HHLA2: variants seen among roughly 807,000 people sequenced by gnomAD.
The protein encoded by HHLA2 is HERV-H LTR-associating protein 2.
A neutral mutation model predicts 45.9 loss-of-function variants in HHLA2; 48 were observed. The observed-to-expected ratio is 1.05, with a 90% CI of 0.83 to 1.33. HHLA2 has a LOEUF of 1.33. Among genes scored for constraint, HHLA2 ranks in the 40% most tolerant of loss-of-function variants. HHLA2 has a pLI of 0.00. For missense variants in HHLA2, 462 were observed against 494.3 expected (o/e 0.93, Z 0.62); for synonymous variants, 161 against 173.9 (o/e 0.93, Z 0.59).
chr3:108,330,729 G>C (rs976938209), intron 3 of HHLA2, among the ~76,000 whole-genome samples: 1 of 152,130 alleles, frequency 6.6e-6, no homozygotes, highest in Non-Finnish European at 1.5e-5. Flanking sequence ...CCTCAGATGA[G>C]ACTGGAACCC....
At chr3:108,362,520 C>A in intron 8 of HHLA2, 74 bp downstream of exon 7, 2 of 953,950 alleles carry the variant, frequency 2.1e-6, no homozygotes, top group Non-Finnish European at 1.6e-6. Context: ...AAATACATGC[C>A]CAAACAGCTA....
chr3:108,306,104 A>C (rs1019474755), intron 1 of HHLA2, among the ~76,000 whole-genome samples: 1 of 152,130 alleles, frequency 6.6e-6, no homozygotes, highest in Non-Finnish European at 1.5e-5. Flanking sequence ...ATCTAACAAA[A>C]CTTTCTTAGA....
intron 1 of HHLA2, among the ~76,000 whole-genome samples, chr3:108,300,516 C>T (rs2080832350): frequency 6.6e-6 from 1 of 152,116 alleles, no homozygotes; most frequent in Admixed American, 6.6e-5. Context: ...GCATGGTTTG[C>T]TGGGGCTTCC....
At chr3:108,352,936 A>AC (rs2081806794) in intron 4 of HHLA2, among the ~76,000 whole-genome samples, 1 of 152,206 alleles carries the variant, frequency 6.6e-6, no homozygotes, top group Non-Finnish European at 1.5e-5. Context: ...AGATTCCTGA[A>AC]CCCAGCATTG....
rs143261550 is a variant in HHLA2 at position 108,318,599 on chromosome 3, T to C, written c.-105+7858T>C. Among the ~76,000 whole-genome samples, 1,023 of 152,316 alleles carry C rather than the reference T, an allele frequency of 6.7e-3. 7 individuals carry two copies. The highest frequency in any genetic ancestry group is 0.023 in the African/African-American group (971 of 41,572). Reference sequence around the variant, plus strand: ...TTTTCCTTTTCCCCCAACATCTTTTTCTTCGTATTATACTAATTCATGTTC... The same window carrying C: ...TTTTCCTTTTCCCCCAACATCTTTTCCTTCGTATTATACTAATTCATGTTC... On this transcript the variant is annotated intron_variant, in intron 2 of 10. Transcript: ENST00000619531.
chr3:108,337,541 A>T (rs2081494807), intron 3 of HHLA2, among the ~76,000 whole-genome samples: 1 of 152,140 alleles, frequency 6.6e-6, no homozygotes. Context: ...GAATGAATAG[A>T]AATATACCAA....
At chr3:108,352,389 G>A (rs533020211) in intron 4 of HHLA2, among the ~76,000 whole-genome samples, 3 of 152,248 alleles carry the variant, frequency 2.0e-5, no homozygotes, top group Admixed American at 6.5e-5. Context: ...GAAGAGAGGC[G>A]GGACATGGTA....
chr3:108,355,091 T>G (rs1161938424), intron 5 of HHLA2, 24 bp from the exon 5 acceptor site: 1 of 1,592,314 alleles, frequency 6.3e-7, no homozygotes. Flanking sequence ...CAGTTTTTCA[T>G]GCGCCCTTCT....
chr3:108,317,639 T>A (rs1330998313), intron 2 of HHLA2, among the ~76,000 whole-genome samples: 89 of 150,370 alleles, frequency 5.9e-4, no homozygotes, highest in Non-Finnish European at 1.1e-3. Flanking sequence ...CAGTGGCACG[T>A]TCTTGGCTCA....
At chr3:108,370,003 C>A (rs2082139474) in intron 8 of HHLA2, among the ~76,000 whole-genome samples, 3 of 152,260 alleles carry the variant, frequency 2.0e-5, no homozygotes, top group Admixed American at 2.0e-4. Flanking sequence ...TGAGAACGGG[C>A]AGACTGCCTC....
intron 1 of HHLA2, among the ~76,000 whole-genome samples, chr3:108,307,856 T>A (rs2080956054): frequency 6.6e-6 from 1 of 152,164 alleles, no homozygotes; most frequent in Admixed American, 6.5e-5. Context: ...ATTAGGTCTT[T>A]TTTTTTATTT....
chr3:108,306,280 CTT>C (rs1255811926), intron 1 of HHLA2, among the ~76,000 whole-genome samples: 2 of 152,188 alleles, frequency 1.3e-5, no homozygotes, highest in African/African-American at 2.4e-5. Context: ...GTGTCTGCTT[CTT>C]GTAGAACGTG....
At chr3:108,330,905 G>T (rs1414585983) in intron 3 of HHLA2, among the ~76,000 whole-genome samples, 1 of 152,148 alleles carries the variant, frequency 6.6e-6, no homozygotes, top group South Asian at 2.1e-4. Flanking sequence ...TATAATGCCT[G>T]CTTGTGAAAG....
At chr3:108,354,098 A>T (rs1172723774) in intron 5 of HHLA2, among the ~76,000 whole-genome samples, 1 of 152,168 alleles carries the variant, frequency 6.6e-6, no homozygotes, top group Non-Finnish European at 1.5e-5. Flanking sequence ...CTAGCAGCAT[A>T]AGACTATCCA....
intron 3 of HHLA2, among the ~76,000 whole-genome samples, chr3:108,344,550 G>C (rs2081629319): frequency 6.6e-6 from 1 of 152,160 alleles, no homozygotes; most frequent in Non-Finnish European, 1.5e-5. Flanking sequence ...TGAACTGCAG[G>C]GGGTAGAAGT....
chr3:108,346,519 A>C (rs536318376), intron 3 of HHLA2, among the ~76,000 whole-genome samples: 1 of 152,322 alleles, frequency 6.6e-6, no homozygotes, highest in African/African-American at 2.4e-5. Flanking sequence ...TCCTCAAAGG[A>C]GTGCAGAACA....
rs973965471 is a variant in HHLA2, at chr3:108,375,549, C to T, written c.1109-201C>T. On this transcript the variant is annotated intron_variant, in intron 8 of 10. Coordinates refer to ENST00000619531, the Ensembl canonical transcript of HHLA2. ...AATTAAAAAACTAGAGAAGCAAGAG[C>T]GAACAAATTCAAAAGCTAGCAGAAG... Among the ~76,000 whole-genome samples the T allele has an allele frequency of 8.6e-5, 13 of 151,604 alleles. No homozygotes were observed. The South Asian group carries it at 1.0e-3, about 12-fold the overall frequency.
chr3:108,359,118 A>AATAGATG (rs1227627239), intron 7 of HHLA2, among the ~76,000 whole-genome samples: 6 of 152,136 alleles, frequency 3.9e-5, no homozygotes, highest in Non-Finnish European at 5.9e-5. Flanking sequence ...TATGTAAAAT[A>AATAGATG]CAGTTAAGCC....
chr3:108,314,426 T>C (rs977223072), intron 2 of HHLA2, among the ~76,000 whole-genome samples: 2 of 152,174 alleles, frequency 1.3e-5, no homozygotes, highest in African/African-American at 4.8e-5. Context: ...TTGAATCTTT[T>C]CTTGAAGTTA....
Sources: allele counts gnomAD v4.1 joint callset (sites outside exome capture counted in the v4.1 genomes callset), GRCh38; gene constraint gnomAD v4.1.1; transcripts MANE v1.5; gene names NCBI Gene and HGNC (gene_info 2026-07-23, HGNC 2026-07-21).